SEM1: variants seen among roughly 807,000 people sequenced by gnomAD.
SEM1 encodes the protein 26S proteasome complex subunit SEM1.
Under a neutral mutation model 12.7 loss-of-function variants are expected in SEM1, and 3 were observed. The observed-to-expected ratio is 0.24, with a 90% CI of 0.11 to 0.61. The LOEUF is 0.61. SEM1 is among the 20% of genes least tolerant of loss of function. The probability of loss-of-function intolerance (pLI) is 0.88; values close to 1 mark genes in which losing one functional copy is unlikely to be tolerated. For missense variants in SEM1, 59 were observed against 81.3 expected (o/e 0.73, Z 1.06); for synonymous variants, 30 against 27.8 (o/e 1.08, Z -0.25).
chr7:96,554,815 C>G (rs1805425480), intron 2 of SEM1, among the ~76,000 whole-genome samples: 1 of 151,670 alleles, frequency 6.6e-6, no homozygotes, highest in Non-Finnish European at 1.5e-5. Flanking sequence ...GGCTGTGAAT[C>G]TATCTGGTCC....
At chr7:96,679,179 A>G (rs1789531910) in intron 2 of SEM1, among the ~76,000 whole-genome samples, 1 of 152,132 alleles carries the variant, frequency 6.6e-6, no homozygotes, top group South Asian at 2.1e-4. Context: ...AAAGATAGTA[A>G]AAGACATAAA....
chr7:96,620,011 C>A (rs1807840441), downstream of SEM1, among the ~76,000 whole-genome samples: 1 of 152,118 alleles, frequency 6.6e-6, no homozygotes, highest in Non-Finnish European at 1.5e-5. Flanking sequence ...CCACTTGTGT[C>A]TCAGTCTTAT....
chr7:96,539,581 T>C (rs1024293806), intron 2 of SEM1, among the ~76,000 whole-genome samples: 3 of 151,698 alleles, frequency 2.0e-5, no homozygotes, highest in African/African-American at 7.3e-5. Flanking sequence ...CTGGAAATGA[T>C]GGGATCCATA....
intron 1 of SEM1, among the ~76,000 whole-genome samples, chr7:96,699,304 C>T (rs908993725): frequency 6.6e-6 from 1 of 152,130 alleles, no homozygotes; most frequent in Non-Finnish European, 1.5e-5. Context: ...TTAGTCCTCA[C>T]CTGAGTTATT....
downstream of SEM1, among the ~76,000 whole-genome samples, chr7:96,617,800 T>C (rs1272177045): frequency 6.6e-6 from 1 of 152,224 alleles, no homozygotes; most frequent in Non-Finnish European, 1.5e-5. Flanking sequence ...GATTATCATA[T>C]ATTTTTTGTC....
At chr7:96,583,179 T>G (rs903383646) in intron 2 of SEM1, among the ~76,000 whole-genome samples, 5 of 150,926 alleles carry the variant, frequency 3.3e-5, no homozygotes, top group African/African-American at 1.2e-4. Flanking sequence ...GTGTCTTTGT[T>G]CTCGTTGGTT....
chr7:96,543,534 T>C (rs868344626), intron 2 of SEM1, among the ~76,000 whole-genome samples: 21 of 152,092 alleles, frequency 1.4e-4, no homozygotes, highest in Middle Eastern at 6.8e-3. Context: ...TAACAATAAA[T>C]CTTTAAGTGC....
intron 2 of SEM1, among the ~76,000 whole-genome samples, chr7:96,561,709 A>G (rs1805695958): frequency 6.6e-6 from 1 of 152,196 alleles, no homozygotes; most frequent in African/African-American, 2.4e-5. Context: ...ACTCATTTCT[A>G]TACTCAGCTG....
intron 2 of SEM1, among the ~76,000 whole-genome samples, chr7:96,690,843 T>A (rs907739026): frequency 1.3e-5 from 2 of 152,168 alleles, no homozygotes; most frequent in Non-Finnish European, 2.9e-5. Flanking sequence ...CCATCTCGGC[T>A]CACTGCAAGC....
chr7:96,707,770 C>A (rs572991507), intron 1 of SEM1, among the ~76,000 whole-genome samples: 2 of 152,126 alleles, frequency 1.3e-5, no homozygotes, highest in African/African-American at 4.8e-5. Context: ...TGAAAAAAAT[C>A]AAGTGTACCA....
At chr7:96,527,449 G>T (rs1023168547) in intron 2 of SEM1, among the ~76,000 whole-genome samples, 1 of 152,116 alleles carries the variant, frequency 6.6e-6, no homozygotes, top group African/African-American at 2.4e-5. Context: ...CGAGGGCCCA[G>T]GCTTGGGGAA....
chr7:96,547,739 G>C (rs1306289535), intron 2 of SEM1, among the ~76,000 whole-genome samples: 1 of 152,106 alleles, frequency 6.6e-6, no homozygotes, highest in African/African-American at 2.4e-5. Context: ...CTGCTGATGT[G>C]ATGATAGGAG....
chr7:96,635,050 T>C (rs753345013), intron 2 of SEM1, among the ~76,000 whole-genome samples: 4 of 151,956 alleles, frequency 2.6e-5, no homozygotes, highest in Non-Finnish European at 5.9e-5. Context: ...CTGGGAAAGA[T>C]GAAAGTGACC....
At chr7:96,484,089 C>T (rs900741760) in intron 3 of SEM1, 57 of 1,070,678 alleles carry the variant, frequency 5.3e-5, no homozygotes, top group Non-Finnish European at 7.2e-5. Flanking sequence ...TAGGGTAGAT[C>T]CAATCATCCC....
In SEM1 at chr7:96,554,443, A is replaced by G. The variant is rs1189977809; in HGVS notation, c.171-47745T>C. Among the ~76,000 whole-genome samples, 64 of 138,056 alleles carry G rather than the reference A, an allele frequency of 4.6e-4. 1 individual carries two copies. The highest frequency in any genetic ancestry group is 1.7e-3 in the African/African-American group (63 of 37,692). 90.6% of individuals were successfully genotyped at this position (138,056 alleles called of 152,430 possible). On this transcript the variant is annotated intron_variant and NMD_transcript_variant, in intron 2 of 3. Transcript: ENST00000466986. ...TTTGTCAAAGGCTTTTTCTGCATCT[A>G]TTGAGATAATCATGTGGTTTTTGTC... is the stretch of plus-strand genomic sequence containing the variant.
chr7:96,488,172 GAGA>G (rs1485438864), intron 1 of SEM1, among the ~76,000 whole-genome samples: 2 of 152,058 alleles, frequency 1.3e-5, no homozygotes, highest in East Asian at 1.9e-4. Flanking sequence ...TGACGCATGA[GAGA>G]AGAAGAAAAA....
chr7:96,571,546 C>G (rs1381091456), intron 2 of SEM1, among the ~76,000 whole-genome samples: 1 of 150,854 alleles, frequency 6.6e-6, no homozygotes, highest in Admixed American at 6.6e-5. Flanking sequence ...GGCATCTGTT[C>G]TGTGTGTGTG....
intron 3 of SEM1, among the ~76,000 whole-genome samples, chr7:96,504,393 A>C (rs1437800224): frequency 6.6e-6 from 1 of 152,092 alleles, no homozygotes; most frequent in Non-Finnish European, 1.5e-5. Flanking sequence ...TTTTTCAAAA[A>C]CTTTTTAATA....
chr7:96,650,164 A>G (rs1808925853), intron 2 of SEM1: 2 of 260,338 alleles, frequency 7.7e-6, no homozygotes, highest in Admixed American at 5.2e-5. Context: ...TTAAGAAGCT[A>G]TAAATAGCTC....
Sources: gnomAD v4.1 joint callset for allele counts (sites outside exome capture counted in the v4.1 genomes callset) on GRCh38, gnomAD v4.1.1 for gene constraint, MANE v1.5 for transcripts, NCBI Gene and HGNC (gene_info 2026-07-23, HGNC 2026-07-21) for gene names.